Variants in ARF1 observed in about 807,000 individuals in gnomAD.
ARF1 encodes the protein ARF GTPase 1, also known as ADP-ribosylation factor 1.
Under a neutral mutation model 18.0 loss-of-function variants are expected in ARF1, and 1 was observed. The ratio of observed to expected loss-of-function variants is 0.06; its 90% CI spans 0.02 to 0.26. The LOEUF (loss-of-function observed/expected upper bound fraction) is 0.26. Among genes scored for constraint, ARF1 ranks in the 10% least tolerant of loss-of-function variants. The probability of loss-of-function intolerance (pLI) is 1.00; values close to 1 mark genes in which losing one functional copy is unlikely to be tolerated. For missense variants in ARF1, 73 were observed against 247.2 expected (o/e 0.30, Z 4.73); for synonymous variants, 112 against 96.3 (o/e 1.16, Z -0.95).
chr1:228,092,032 C>A (rs1441923685), intron 1 of ARF1, among the ~76,000 whole-genome samples: 1 of 152,096 alleles, frequency 6.6e-6, no homozygotes, highest in East Asian at 1.9e-4. Flanking sequence ...TACATGAGTC[C>A]CTTCAGGAAG....
intron 1 of ARF1, among the ~76,000 whole-genome samples, chr1:228,091,387 G>C (rs2032572768): frequency 6.6e-6 from 1 of 152,140 alleles, no homozygotes; most frequent in Admixed American, 6.5e-5. Context: ...ATGGCTGTGG[G>C]GTCACTGTGT....
At chr1:228,094,291 C>T (rs1186989197) in intron 1 of ARF1, among the ~76,000 whole-genome samples, 1 of 152,112 alleles carries the variant, frequency 6.6e-6, no homozygotes, top group Non-Finnish European at 1.5e-5. Flanking sequence ...TAGGTTTATT[C>T]CTCCTAGACT....
Position 228,098,963 on chromosome 1 carries a change from A to G in ARF1, c.*950A>G, listed in dbSNP as rs1803141. On this transcript the variant is annotated 3_prime_UTR_variant, in exon 5 of 5. Coordinates refer to ENST00000272102, the MANE Select transcript of ARF1 (RefSeq NM_001658.4). ...GTAGCTTTCTCTCCCTCAGCCTGCA[A>G]GGGTCCGATTTGCCATCGAAAAAGA... 5.9e-5 allele frequency: 9 copies of G among 152,714 alleles called. No homozygotes were observed. Among genetic ancestry groups the G allele is most frequent in the South Asian group, 2.1e-4 (1 of 4,826 alleles). 9.5% of individuals were successfully genotyped at this position (152,714 alleles called of 1,614,324 possible). A position where few individuals can be genotyped will look rare whatever the true frequency, so the allele number is the denominator to read the frequency against.
chr1:228,088,863 T>C (rs1281080288), intron 1 of ARF1, among the ~76,000 whole-genome samples: 1 of 152,216 alleles, frequency 6.6e-6, no homozygotes, highest in African/African-American at 2.4e-5. Context: ...CTGTCTCTAC[T>C]TCCTTTTGGG....
chr1:228,087,669 G>C (rs933414491), intron 1 of ARF1, among the ~76,000 whole-genome samples: 2 of 152,146 alleles, frequency 1.3e-5, no homozygotes, highest in Non-Finnish European at 2.9e-5. Flanking sequence ...CTACTCATCA[G>C]CTGAGGACCT....
intron 1 of ARF1, among the ~76,000 whole-genome samples, chr1:228,087,800 C>G (rs2032452377): frequency 2.6e-5 from 4 of 152,160 alleles, no homozygotes. Context: ...CCCATTTTCC[C>G]ACATTTTTAT....
At chr1:228,090,653 G>A (rs1238260031) in intron 1 of ARF1, 1 of 152,282 alleles carries the variant, frequency 6.6e-6, no homozygotes, top group African/African-American at 2.4e-5. Flanking sequence ...GCCTGCCAGA[G>A]TAGAAATACT....
At chr1:228,087,266 T>G (rs1248353954) in intron 1 of ARF1, among the ~76,000 whole-genome samples, 2 of 152,172 alleles carry the variant, frequency 1.3e-5, no homozygotes, top group Non-Finnish European at 2.9e-5. Flanking sequence ...TTTTAAGTAT[T>G]TTATAGGTTT....
chr1:228,093,955 CAA>C lies in ARF1; in HGVS notation c.-37-3102_-37-3101del, dbSNP rs869199671. On this transcript the variant is annotated intron_variant, in intron 1 of 4. Transcript: ENST00000272102. ...TGGATGACAGAGTGAGACTCTGTCT[CAA>C]AAAAAAAAAAAAAAAAAAAAGCCAC... Among the ~76,000 whole-genome samples the C allele has an allele frequency of 8.9e-3, 455 of 51,122 alleles. 1 individual carries two copies. Among genetic ancestry groups the C allele is most frequent in the East Asian group, 0.016 (37 of 2,294 alleles). The allele number at this position is 51,122 out of a possible 152,430, so 33.5% of individuals were successfully genotyped here.
intron 1 of ARF1, among the ~76,000 whole-genome samples, chr1:228,094,914 C>A (rs1406330406): frequency 6.6e-6 from 1 of 152,156 alleles, no homozygotes; most frequent in East Asian, 1.9e-4. Context: ...CATCTAGGTC[C>A]TTGGCTTTGC....
intron 1 of ARF1, among the ~76,000 whole-genome samples, chr1:228,087,022 G>A (rs1373752626): frequency 6.6e-6 from 1 of 152,208 alleles, no homozygotes; most frequent in Non-Finnish European, 1.5e-5. Flanking sequence ...TGTGTTATAA[G>A]AGTGTGTGAG....
At chr1:228,083,738 C>T (rs1037501420) in intron 1 of ARF1, among the ~76,000 whole-genome samples, 3 of 152,246 alleles carry the variant, frequency 2.0e-5, no homozygotes, top group Admixed American at 6.5e-5. Context: ...TGGGTGGTTA[C>T]GGCGTGTGAG....
chr1:228,093,767 TAA>T (rs2032644662), intron 1 of ARF1, among the ~76,000 whole-genome samples: 1 of 149,680 alleles, frequency 6.7e-6, no homozygotes, highest in Non-Finnish European at 1.5e-5. Flanking sequence ...CTACTAAAAA[TAA>T]AAATAAAAAT....
At chr1:228,093,229 G>A (rs1440007548) in intron 1 of ARF1, among the ~76,000 whole-genome samples, 2 of 152,094 alleles carry the variant, frequency 1.3e-5, no homozygotes, top group Non-Finnish European at 2.9e-5. Context: ...CAGGGACTCT[G>A]GTGGAAGAAA....
chr1:228,094,607 GCT>G (rs1265768794), intron 1 of ARF1, among the ~76,000 whole-genome samples: 1 of 151,930 alleles, frequency 6.6e-6, no homozygotes, highest in Admixed American at 6.6e-5. Context: ...CTAGGCTGCT[GCT>G]CTCTCTCCAT....
At chr1:228,085,079 G>A (rs918669017) in intron 1 of ARF1, among the ~76,000 whole-genome samples, 5 of 152,230 alleles carry the variant, frequency 3.3e-5, no homozygotes, top group Admixed American at 6.5e-5. Context: ...CACTGTCAAA[G>A]ATAATTGGGA....
rs1198601308 is a variant in ARF1, at chr1:228,089,608, G to C, written c.-38+6843G>C. Reference sequence around the variant, plus strand: ...GTTTTAGGCATTGGCTCAATCACTGGTGCAGCCATTGCATTAATTTTCTTT... The same window carrying C: ...GTTTTAGGCATTGGCTCAATCACTGCTGCAGCCATTGCATTAATTTTCTTT... On this transcript the variant is annotated intron_variant, in intron 1 of 4. Transcript: ENST00000272102. The surrounding 1 kb of genome is among the most constrained non-coding windows in gnomAD (Gnocchi z 4.1). Among the ~76,000 whole-genome samples, 3 of 152,222 alleles carry C rather than the reference G, an allele frequency of 2.0e-5. No homozygotes were observed. The highest frequency in any genetic ancestry group is 6.5e-5 in the Admixed American group (1 of 15,288).
Position 228,089,061 on chromosome 1 carries a change from A to G in ARF1, c.-38+6296A>G, listed in dbSNP as rs1002215324. On this transcript the variant is annotated intron_variant, in intron 1 of 4. Coordinates refer to ENST00000272102, the MANE Select transcript of ARF1 (RefSeq NM_001658.4). This position sits in a 1 kb window ranked among gnomAD's most constrained non-coding sequence, Gnocchi z 4.1. ...ACGGGGTTCTTGCCTGGGGAACAGG[A>G]GGGAGGCTACTCGCATCACAGCGGA... Among the ~76,000 whole-genome samples the G allele has an allele frequency of 4.6e-5, 7 of 152,076 alleles. No individual in the cohort carries two copies. The highest frequency in any genetic ancestry group is 3.3e-4 in the Admixed American group (5 of 15,264).
chr1:228,094,995 G>A (rs1032770057), intron 1 of ARF1, among the ~76,000 whole-genome samples: 3 of 152,108 alleles, frequency 2.0e-5, no homozygotes, highest in Non-Finnish European at 2.9e-5. Flanking sequence ...ATTTCACCCC[G>A]TAATTTCGTA....
Sources: gnomAD v4.1 joint callset for allele counts (sites outside exome capture counted in the v4.1 genomes callset) on GRCh38, gnomAD v4.1.1 for gene constraint, Gnocchi (gnomAD v3.1) non-coding constraint, MANE v1.5 for transcripts, NCBI Gene and HGNC (gene_info 2026-07-23, HGNC 2026-07-21) for gene names.